GRIK4: variants seen among roughly 807,000 people sequenced by gnomAD.
GRIK4 encodes glutamate ionotropic receptor kainate type subunit 4, also known as glutamate receptor ionotropic, kainate 4.
A neutral mutation model predicts 104.9 loss-of-function variants in GRIK4; 40 were observed. The ratio of observed to expected loss-of-function variants is 0.38; its 90% CI spans 0.30 to 0.50. GRIK4 has a LOEUF of 0.50. Among genes scored for constraint, GRIK4 ranks in the 20% least tolerant of loss-of-function variants. The pLI, the probability that GRIK4 is intolerant of heterozygous loss-of-function variation, is 0.93. For synonymous variants in GRIK4, 485 were observed against 524.9 expected, an observed-to-expected ratio of 0.92 and a Z score of 1.04; for missense variants, 1,047 against 1,308.1, an observed-to-expected ratio of 0.80 and a Z score of 3.08.
At chr11:120,521,959 G>A (rs1377563133) in intron 1 of GRIK4, among the ~76,000 whole-genome samples, 1 of 152,100 alleles carries the variant, frequency 6.6e-6, no homozygotes, top group Non-Finnish European at 1.5e-5. Context: ...CACCTTCCAG[G>A]CACTGTTCTA....
At chr11:120,637,066 C>T (rs1949407066) in intron 1 of GRIK4, among the ~76,000 whole-genome samples, 1 of 151,668 alleles carries the variant, frequency 6.6e-6, no homozygotes, top group Non-Finnish European at 1.5e-5. Flanking sequence ...ATTTGATGGC[C>T]AGCAGGAGGG....
chr11:120,835,804 T>C (rs1216841664), intron 7 of GRIK4, among the ~76,000 whole-genome samples: 1 of 152,062 alleles, frequency 6.6e-6, no homozygotes, highest in Non-Finnish European at 1.5e-5. Context: ...CCTGTCACAC[T>C]CAAAGCCAGG....
intron 3 of GRIK4, among the ~76,000 whole-genome samples, chr11:120,695,665 G>T (rs1335327639): frequency 6.7e-6 from 1 of 148,756 alleles, no homozygotes; most frequent in Non-Finnish European, 1.5e-5. Context: ...TGCCTTGTTA[G>T]TGAGGCTGAG....
chr11:120,637,321 A>G (rs113865801), intron 1 of GRIK4, among the ~76,000 whole-genome samples: 3 of 152,164 alleles, frequency 2.0e-5, no homozygotes, highest in African/African-American at 7.2e-5. Flanking sequence ...GTTGAAATCC[A>G]ATGTCAGGGT....
chr11:120,923,111 A>T (rs1189513123), intron 13 of GRIK4, among the ~76,000 whole-genome samples: 1 of 152,196 alleles, frequency 6.6e-6, no homozygotes, highest in Non-Finnish European at 1.5e-5. Context: ...AGTGGGACAC[A>T]GGTGGGAGAT....
At chr11:120,868,007 C>T (rs774065702) in intron 9 of GRIK4, 1 of 152,092 alleles carries the variant, frequency 6.6e-6, no homozygotes, top group Non-Finnish European at 1.5e-5. Flanking sequence ...TTTAATGGTT[C>T]CTGTCCTGGT....
intron 1 of GRIK4, among the ~76,000 whole-genome samples, chr11:120,613,542 AGTGTGCATGTGTTTGCGT>A (rs1233510816): frequency 2.6e-5 from 4 of 152,290 alleles, no homozygotes; most frequent in Admixed American, 6.5e-5. Context: ...CAGCACACGG[AGTGTGCATGTGTTTGCGT>A]GTGTGCATGT....
At chr11:120,752,752 C>T (rs1385534395) in intron 3 of GRIK4, among the ~76,000 whole-genome samples, 1 of 152,238 alleles carries the variant, frequency 6.6e-6, no homozygotes, top group Non-Finnish European at 1.5e-5. Flanking sequence ...GCTGTCTACA[C>T]TGGCCTTGCT....
chr11:120,534,006 T>C (rs1014943698), intron 1 of GRIK4, among the ~76,000 whole-genome samples: 1 of 152,228 alleles, frequency 6.6e-6, no homozygotes, highest in Non-Finnish European at 1.5e-5. Flanking sequence ...CTGGCTGTAA[T>C]GTGGAGGATG....
intron 6 of GRIK4, among the ~76,000 whole-genome samples, chr11:120,824,325 A>G (rs1051056079): frequency 6.6e-6 from 1 of 152,170 alleles, no homozygotes; most frequent in Non-Finnish European, 1.5e-5. Context: ...TCCTGGTCAG[A>G]GCTCACAGAG....
chr11:120,618,877 T>G (rs58047799), intron 1 of GRIK4, among the ~76,000 whole-genome samples: 43,406 of 152,126 alleles, frequency 0.29, 6,698 homozygotes, highest in Non-Finnish European at 0.31. Context: ...TGCTGCAGGG[T>G]TGGAGCCCTC....
At chr11:120,734,336 C>CAA (rs1329718997) in intron 3 of GRIK4, among the ~76,000 whole-genome samples, 1 of 151,796 alleles carries the variant, frequency 6.6e-6, no homozygotes, top group Non-Finnish European at 1.5e-5. Flanking sequence ...AAGTTTTTTT[C>CAA]CTTCAGTACT....
chr11:120,610,048 G>A (rs1162137999), intron 1 of GRIK4, among the ~76,000 whole-genome samples: 1 of 152,126 alleles, frequency 6.6e-6, no homozygotes, highest in East Asian at 1.9e-4. Flanking sequence ...CTCCTTGTGT[G>A]CATCCCTCCT....
chr11:120,711,955 T>C (rs1950742251), intron 3 of GRIK4, among the ~76,000 whole-genome samples: 1 of 151,356 alleles, frequency 6.6e-6, no homozygotes, highest in African/African-American at 2.5e-5. Context: ...AATTCATTCA[T>C]ATATCCATGC....
intron 1 of GRIK4, among the ~76,000 whole-genome samples, chr11:120,593,304 A>G (rs761851884): frequency 6.6e-6 from 1 of 151,946 alleles, no homozygotes; most frequent in African/African-American, 2.4e-5. Context: ...TCACCTCCCG[A>G]TCACTCTCCT....
chr11:120,695,643 C>A (rs1808590071), intron 3 of GRIK4, among the ~76,000 whole-genome samples: 1 of 121,142 alleles, frequency 8.3e-6, no homozygotes, highest in South Asian at 2.9e-4. Flanking sequence ...GGGTGGGAGG[C>A]AGGGCTGTCT....
chr11:120,691,219 A>G (rs765617162), intron 3 of GRIK4, among the ~76,000 whole-genome samples: 29 of 152,260 alleles, frequency 1.9e-4, no homozygotes, highest in Non-Finnish European at 2.4e-4. Flanking sequence ...TTTTCTGGGA[A>G]TGGTCTTATT....
chr11:120,528,408 A>G (rs1351338323), intron 1 of GRIK4, among the ~76,000 whole-genome samples: 1 of 152,060 alleles, frequency 6.6e-6, no homozygotes, highest in Non-Finnish European at 1.5e-5. Flanking sequence ...ACCAAGCCCG[A>G]CCCTATAATT....
chr11:120,842,871 G>A (rs1325390775), intron 8 of GRIK4, among the ~76,000 whole-genome samples: 1 of 152,262 alleles, frequency 6.6e-6, no homozygotes, highest in Non-Finnish European at 1.5e-5. Context: ...CAGGGTGGTT[G>A]ATGCCGTAAG....
Sources: gnomAD v4.1 joint callset for allele counts (sites outside exome capture counted in the v4.1 genomes callset) on GRCh38, gnomAD v4.1.1 for gene constraint, MANE v1.5 for transcripts, NCBI Gene and HGNC (gene_info 2026-07-23, HGNC 2026-07-21) for gene names.